Variants in SYNE1 observed in about 807,000 individuals in gnomAD.
The protein encoded by SYNE1 is nesprin-1.
SYNE1 carries 616 observed loss-of-function variants against 1,111.0 expected under a neutral mutation model. The observed-to-expected ratio is 0.55, with a 90% confidence interval of 0.52 to 0.59. The LOEUF (loss-of-function observed/expected upper bound fraction) is 0.59, where lower values mean the gene tolerates loss of function less well. Ranked by LOEUF, SYNE1 falls within the 20% of genes least tolerant of loss-of-function variation. The pLI is 0.00. For missense variants in SYNE1, 10,006 were observed against 10,417.0 expected (o/e 0.96, Z 1.72); for synonymous variants, 3,855 against 3,825.8 (o/e 1.01, Z -0.28).
At chr6:152,417,053 A>G (rs561593060) in intron 40 of SYNE1, 38 bp from the exon 41 acceptor site, 19 of 1,611,266 alleles carry the variant, frequency 1.2e-5, no homozygotes, top group Middle Eastern at 1.7e-4. Flanking sequence ...CCTGAGATAC[A>G]CTACAGTCTA....
At chr6:152,408,269 T>C (rs2097935715) in intron 44 of SYNE1, among the ~76,000 whole-genome samples, 1 of 152,226 alleles carries the variant, frequency 6.6e-6, no homozygotes, top group African/African-American at 2.4e-5. Flanking sequence ...TATTTATGGC[T>C]TGATATCTAT....
chr6:152,344,372 G>T, intron 73 of SYNE1, 145 bp from the exon 74 acceptor site: 2 of 1,288,012 alleles, frequency 1.6e-6, no homozygotes, highest in Non-Finnish European at 2.2e-6. Flanking sequence ...TAAGGCAGTT[G>T]TATGTCTCCC....
At position 152,310,452 on chromosome 6, in the gene SYNE1, G is replaced by A; in HGVS notation, c.16963C>T (p.Leu5655=). Residue 5655 remains leucine, a synonymous_variant, in exon 89 of 146, where the codon CTG becomes TTG. Coordinates refer to ENST00000367255, the MANE Select transcript of SYNE1 (RefSeq NM_182961.4). ...QAALEQAQAT[L]TSPEVGRLSL... ...AGACGTCCAACTTCTGGAGAAGTCA[G>A]TGTTGCCTGGGCTTGCTCCAAGGCA... The A allele has an allele frequency of 1.9e-6, 3 of 1,614,196 alleles. No homozygotes were observed. Among genetic ancestry groups the A allele is most frequent in the Non-Finnish European group, 2.5e-6 (3 of 1,180,036 alleles).
rs766885175 is a variant in SYNE1 at position 152,409,200 on chromosome 6, A to G, written c.6408T>C (p.Asn2136=). Residue 2136 remains asparagine, a synonymous_variant, in exon 44 of 146, where the codon AAT becomes AAC. Transcript: ENST00000367255. The part of the protein sequence containing the change: ...SKHETAKNKM[N]YKQKDLDNFT... ...AGTTATCCAAGTCTTTCTGTTTGTA[A>G]TTCATTTTGTTCTTGGCAGTTTCAT... The G allele has an allele frequency of 6.2e-7, 1 of 1,614,076 alleles. No homozygotes were observed. Among genetic ancestry groups the G allele is most frequent in the South Asian group, 1.1e-5 (1 of 91,076 alleles).
intron 96 of SYNE1, among the ~76,000 whole-genome samples, chr6:152,283,191 A>G (rs1476058130): frequency 1.3e-5 from 2 of 152,184 alleles, no homozygotes; most frequent in Non-Finnish European, 2.9e-5. Context: ...TGCTGCCCAA[A>G]TTTGTCTCTA....
chr6:152,562,386 CA>C, intron 3 of SYNE1, among the ~76,000 whole-genome samples: 1 of 152,112 alleles, frequency 6.6e-6, no homozygotes, highest in African/African-American at 2.4e-5. Flanking sequence ...ATCAAAATAG[CA>C]AAAGATAACA....
Position 152,241,353 on chromosome 6 carries a change from A to T in SYNE1, c.19893+887T>A, listed in dbSNP as rs538648878. Among the ~76,000 whole-genome samples the T allele has an allele frequency of 4.3e-5, 6 of 138,976 alleles. No homozygotes were observed. In the South Asian group the frequency reaches 1.4e-3, roughly 32 times the overall value. 91.2% of individuals were successfully genotyped at this position (138,976 alleles called of 152,430 possible). On this transcript the variant is annotated intron_variant, in intron 107 of 145. Coordinates refer to ENST00000367255, the MANE Select transcript of SYNE1 (RefSeq NM_182961.4). Reference sequence around the variant, plus strand: ...AAAAAACCCACCTTTACAAGCCACCAGAGAGCTACACAATGGTAGAAGATT... The same window carrying T: ...AAAAAACCCACCTTTACAAGCCACCTGAGAGCTACACAATGGTAGAAGATT...
intron 145 of SYNE1, chr6:152,127,984 C>A (rs1020735618): frequency 1.3e-5 from 2 of 152,144 alleles, no homozygotes; most frequent in Non-Finnish European, 2.9e-5. Context: ...ACCTAAGGTG[C>A]CCAAGGCAAT....
chr6:152,300,902 C>A, intron 92 of SYNE1, 121 bp from the exon 93 acceptor site: 1 of 1,336,400 alleles, frequency 7.5e-7, no homozygotes, highest in East Asian at 2.4e-5. Context: ...TTACTGGGAC[C>A]CGAATTCACA....
intron 54 of SYNE1, 36 bp from the exon 55 acceptor site, chr6:152,385,874 C>T (rs1448759773): frequency 1.2e-6 from 2 of 1,609,706 alleles, no homozygotes. Context: ...TAACAGTGGT[C>T]CTTTTGAGAA....
intron 10 of SYNE1, among the ~76,000 whole-genome samples, chr6:152,499,461 A>T (rs1054342499): frequency 6.6e-6 from 1 of 152,092 alleles, no homozygotes; most frequent in Non-Finnish European, 1.5e-5. Flanking sequence ...CACAAAGGGG[A>T]TATATAAATC....
chr6:152,159,474 T>C (rs536047464), intron 131 of SYNE1, among the ~76,000 whole-genome samples: 2 of 152,364 alleles, frequency 1.3e-5, no homozygotes, highest in African/African-American at 4.8e-5. Context: ...TATATGTGCA[T>C]ATTTAATGTA....
At chr6:152,376,181 G>T in intron 58 of SYNE1, 200 bp downstream of exon 58, 1 of 578,542 alleles carries the variant, frequency 1.7e-6, no homozygotes, top group Non-Finnish European at 3.1e-6. Context: ...AGAATCTGAT[G>T]CTACCGCTGA....
chr6:152,224,934 T>C (rs1293197144), intron 116 of SYNE1, among the ~76,000 whole-genome samples: 1 of 147,326 alleles, frequency 6.8e-6, no homozygotes, highest in South Asian at 2.1e-4. Context: ...TATACATATA[T>C]ACATATGTAT....
At chr6:152,361,263 T>C (rs1269473556) in intron 64 of SYNE1, among the ~76,000 whole-genome samples, 4 of 152,140 alleles carry the variant, frequency 2.6e-5, no homozygotes, top group Admixed American at 1.3e-4. Flanking sequence ...GAAAGGAGCA[T>C]GGCAGAGGAG....
Position 152,132,427 on chromosome 6 carries a change from G to A in SYNE1, c.26002-213C>T, listed in dbSNP as rs2295195. Among the ~76,000 whole-genome samples the A allele has an allele frequency of 0.62, 94,636 of 151,530 alleles. 30,235 individuals are homozygous for A. Among genetic ancestry groups the A allele is most frequent in the African/African-American group, 0.76 (31,395 of 41,284 alleles). ...GGATTTCCTAGCTGTCCGTTTGGCC[G>A]TTCTGGAAAATATAGCTATGATTTT... is the stretch of plus-strand genomic sequence containing the variant. On this transcript the variant is annotated intron_variant, in intron 143 of 145. Transcript: ENST00000367255.
In SYNE1 at chr6:152,136,764, A is replaced by G. The variant is rs750693121; in HGVS notation, c.25513T>C (p.Cys8505Arg). 6.2e-7 allele frequency: 1 copy of G among 1,614,254 alleles called. No homozygotes were observed. The highest frequency in any genetic ancestry group is 1.1e-5 in the South Asian group (1 of 91,086). Residue 8505 changes from cysteine (C) to arginine (R), a missense_variant, in exon 141 of 146, where the codon TGC becomes CGC. Physicochemically the swap from Cys to Arg is radical, Grantham distance 180 (BLOSUM62 -3). Transcript: ENST00000367255. ...TCAGCCTGGGTGAACTCAGGGCTGCAGAGATTGATGGAGAGGATGATGGCT... is the reference window on the plus strand; with the variant it reads ...TCAGCCTGGGTGAACTCAGGGCTGCGGAGATTGATGGAGAGGATGATGGCT... ...RKAIILSINLCSPEFTQADSK... is the reference protein window; with the variant it reads ...RKAIILSINLRSPEFTQADSK...
intron 16 of SYNE1, 33 bp downstream of exon 16, chr6:152,471,564 T>A (rs1479456326): frequency 6.2e-7 from 1 of 1,607,960 alleles, no homozygotes; most frequent in Non-Finnish European, 8.5e-7. Context: ...CCATGGCTCA[T>A]AGGAATTCTC....
rs754906306 is a variant in SYNE1, at chr6:152,427,721, TTGACTC to T, written c.5066_5071del (p.Arg1689_Val1690del). The stretch of plus-strand genomic sequence containing the variant: ...TATTAACTGAAGTTCACCTTCCACT[TTGACTC>T]TGTCTGCAGAAATGTCCATTTCTGG... On this transcript the variant is annotated inframe_deletion, in exon 38 of 146. Transcript: ENST00000367255. The T allele has an allele frequency of 6.2e-7, 1 of 1,614,200 alleles. No homozygotes were observed. Among genetic ancestry groups the T allele is most frequent in the South Asian group, 1.1e-5 (1 of 91,086 alleles).
Sources: gnomAD v4.1 joint callset for allele counts (sites outside exome capture counted in the v4.1 genomes callset) on GRCh38, gnomAD v4.1.1 for gene constraint, MANE v1.5 for transcripts, NCBI Gene and HGNC (gene_info 2026-07-23, HGNC 2026-07-21) for gene names.